Variants in CCDC106 observed in about 807,000 individuals in gnomAD.
CCDC106 encodes coiled-coil domain-containing protein 106.
Under a neutral mutation model 24.7 loss-of-function variants are expected in CCDC106, and 17 were observed. That is an observed-to-expected ratio of 0.69 (90% confidence interval 0.47 to 1.03). CCDC106 has a LOEUF of 1.03. CCDC106 is among the 50% of genes least tolerant of loss of function. The probability of loss-of-function intolerance (pLI) is 0.00; values close to 1 mark genes in which losing one functional copy is unlikely to be tolerated. For synonymous variants in CCDC106, 211 were observed against 161.3 expected (o/e 1.31, Z -2.34); for missense variants, 337 against 388.9 (o/e 0.87, Z 1.12).
At chr19:55,649,683 A>G in intron 3 of CCDC106, 99 bp downstream of exon 3, 2 of 1,184,102 alleles carry the variant, frequency 1.7e-6, no homozygotes, top group Non-Finnish European at 2.4e-6. Flanking sequence ...GCTGGGTGGG[A>G]CCTGCCATGT....
rs369352697 is a variant in CCDC106 at position 55,649,451 on chromosome 19, C to T, written c.180C>T (p.Ser60=). 1.1e-5 allele frequency: 17 copies of T among 1,613,972 alleles called. No homozygotes were observed. In the African/African-American group the frequency reaches 2.1e-4, roughly 20 times the overall value. The change falls in exon 3 of 5, where the codon AGC becomes AGT. Residue 60 remains serine (S), a synonymous_variant. Coordinates refer to ENST00000586790, the MANE Select transcript of CCDC106 (RefSeq NM_001370470.1). The part of the protein sequence containing the change: ...AASSALALMN[S]VKTQLHMALE... ...CCTCCGCCCTGGCTCTGATGAACAG[C>T]GTCAAGACCCAGCTGCACATGGCTC...
rs1983253654 is a variant in CCDC106 at position 55,651,355 on chromosome 19, C to G, written c.386C>G (p.Ala129Gly). 6.2e-7 allele frequency: 1 copy of G among 1,612,924 alleles called. No homozygotes were observed. Among genetic ancestry groups the G allele is most frequent in the Middle Eastern group, 1.7e-4 (1 of 5,992 alleles). Residue 129 changes from alanine to glycine, a missense_variant, in exon 4 of 5, where the codon GCC (alanine) becomes GGC (glycine). By Grantham distance (60) the Ala-to-Gly change is moderately conservative. Around this residue, in one of 2 missense-constraint regions of CCDC106, gnomAD observed 234 missense variants for 236.5 expected, o/e 0.99. Coordinates refer to ENST00000586790, the MANE Select transcript of CCDC106 (RefSeq NM_001370470.1). ...AGCCGTGGTGGGGCTGGGGGCGAGG[C>G]CTCGGACCCTGAGTCAGCAGCCTCC... ...GDSRGGAGGEASDPESAASSL... is the reference protein window; with the variant it reads ...GDSRGGAGGEGSDPESAASSL...
At chr19:55,648,171 G>C, upstream of CCDC106, 1 of 152,180 alleles carries the variant, frequency 6.6e-6, no homozygotes, top group East Asian at 1.9e-4. Flanking sequence ...GCCTGTTCGC[G>C]GGTGGGTGGG....
In CCDC106 at chr19:55,652,071, C is replaced by A. The variant is rs896297614; in HGVS notation, c.527-359C>A. 6.6e-6 allele frequency among the ~76,000 whole-genome samples: 1 copy of A among 152,004 alleles called. No individual in the cohort carries two copies. The highest frequency in any genetic ancestry group is 1.5e-5 in the Non-Finnish European group (1 of 67,996). On this transcript the variant is annotated intron_variant, in intron 4 of 4. Coordinates refer to ENST00000586790, the MANE Select transcript of CCDC106 (RefSeq NM_001370470.1). This position sits in a 1 kb window ranked among gnomAD's most constrained non-coding sequence, Gnocchi z 5.9. ...GAGGTGCGCAGTAGGACCTACCTCA[C>A]GGGGAGGGTGAGACTTGAATAAGTG...
chr19:55,651,145 A>T, intron 3 of CCDC106, 138 bp from the exon 4 acceptor site: 1 of 702,982 alleles, frequency 1.4e-6, no homozygotes, highest in Non-Finnish European at 2.5e-6. Context: ...TCTCTACCGT[A>T]CTCCTTGTCT....
chr19:55,649,099 C>G, intron 1 of CCDC106, 22 bp downstream of exon 1: 1 of 1,613,908 alleles, frequency 6.2e-7, no homozygotes, highest in Middle Eastern at 1.7e-4. Context: ...GGGTCCCCTT[C>G]CCTACCCTGG....
rs759395116 is a variant in CCDC106, at chr19:55,649,032, G to A, written c.-15G>A. On this transcript the variant is annotated 5_prime_UTR_variant, in exon 1 of 5. Transcript: ENST00000586790. ...CTGAGGCCCTCGGCTGCTGGGGTCC[G>A]TAGGAAGCCGCGCCATGAATGACCG... 1.6e-5 allele frequency: 25 copies of A among 1,612,476 alleles called. No homozygotes were observed. Among genetic ancestry groups the A allele is most frequent in the Non-Finnish European group, 1.9e-5 (22 of 1,179,846 alleles).
In CCDC106 at chr19:55,648,567, G is replaced by A; in HGVS notation, c.-480G>A. On this transcript the variant is annotated 5_prime_UTR_variant, in exon 1 of 5. Transcript: ENST00000586790. Reference sequence around the variant, plus strand: ...GCCCCGAAGGTAGAGGAGGCAGCGCGCACGGGCTGGACCTCCTCCTACCCT... The same window carrying A: ...GCCCCGAAGGTAGAGGAGGCAGCGCACACGGGCTGGACCTCCTCCTACCCT... 1 of 163,584 alleles carries A rather than the reference G, an allele frequency of 6.1e-6. No individual in the cohort carries two copies. 10.1% of individuals were successfully genotyped at this position (163,584 alleles called of 1,614,324 possible).
At position 55,653,046 on chromosome 19, in the gene CCDC106, T is replaced by G; in HGVS notation, c.*300T>G. 3.1e-6 allele frequency: 1 copy of G among 323,730 alleles called. No individual in the cohort carries two copies. Among genetic ancestry groups the G allele is most frequent in the East Asian group, 6.2e-5 (1 of 16,182 alleles). 20.1% of individuals were successfully genotyped at this position (323,730 alleles called of 1,614,324 possible). ...GACTGTACAGACCCCGTCTCCGCCC[T>G]GGCCCCGCGGAGGAGCTGCCCACCT... On this transcript the variant is annotated 3_prime_UTR_variant, in exon 5 of 5. Coordinates refer to ENST00000586790, the MANE Select transcript of CCDC106 (RefSeq NM_001370470.1).
chr19:55,652,276 C>T lies in CCDC106; in HGVS notation c.527-154C>T, dbSNP rs577057760. Among the ~76,000 whole-genome samples, 4 of 151,938 alleles carry T rather than the reference C, an allele frequency of 2.6e-5. No homozygotes were observed. The South Asian group carries it at 6.3e-4, about 24-fold the overall frequency. ...TGCGATTCTTCCCCTCCTCTCTGCC[C>T]CTTCCTTGCCTGTTGTTCTCCGTCT... On this transcript the variant is annotated intron_variant, in intron 4 of 4. Transcript: ENST00000586790. This position sits in a 1 kb window ranked among gnomAD's most constrained non-coding sequence, Gnocchi z 5.9.
chr19:55,650,979 C>T (rs1385154382), intron 3 of CCDC106, among the ~76,000 whole-genome samples: 2 of 152,186 alleles, frequency 1.3e-5, no homozygotes, highest in Non-Finnish European at 2.9e-5. Context: ...CCAGAAATTT[C>T]TCCCTCCCCT....
In CCDC106 at chr19:55,649,329, A is replaced by G. The variant is rs765656511; in HGVS notation, c.136+20A>G. Reference sequence around the variant, plus strand: ...TCGAGGGTGAGCTGAGGGGGTGTGGAGGGACTGGAGTCAGCTGGGAAGCCA... The same window carrying G: ...TCGAGGGTGAGCTGAGGGGGTGTGGGGGGACTGGAGTCAGCTGGGAAGCCA... On this transcript the variant is annotated intron_variant, in intron 2 of 4. Transcript: ENST00000586790. 1 of 1,612,232 alleles carries G rather than the reference A, an allele frequency of 6.2e-7. No individual in the cohort carries two copies. The highest frequency in any genetic ancestry group is 8.5e-7 in the Non-Finnish European group (1 of 1,178,454).
rs377380430 is a variant in CCDC106 at position 55,649,043 on chromosome 19, C to G, written c.-4C>G. On this transcript the variant is annotated 5_prime_UTR_variant, in exon 1 of 5. Transcript: ENST00000586790. ...GGCTGCTGGGGTCCGTAGGAAGCCG[C>G]GCCATGAATGACCGGAGCAGTCGGA... 2 of 1,613,032 alleles carry G rather than the reference C, an allele frequency of 1.2e-6. No individual in the cohort carries two copies. The highest frequency in any genetic ancestry group is 2.2e-5 in the East Asian group (1 of 44,886).
At position 55,648,739 on chromosome 19, in the gene CCDC106, C is replaced by T; in HGVS notation, c.-308C>T. ...CCCAGCAATTTAGGGCTTCAGCTTC[C>T]TTTTCCTTCGATACCCAGGAGCCCA... is the stretch of plus-strand genomic sequence containing the variant. On this transcript the variant is annotated 5_prime_UTR_variant, in exon 1 of 5. Coordinates refer to ENST00000586790, the MANE Select transcript of CCDC106 (RefSeq NM_001370470.1). The T allele has an allele frequency of 4.0e-6, 2 of 494,156 alleles. No homozygotes were observed. Among genetic ancestry groups the T allele is most frequent in the East Asian group, 3.3e-5 (1 of 30,188 alleles). The allele number at this position is 494,156 out of a possible 1,614,324, so 30.6% of individuals were successfully genotyped here.
Position 55,651,471 on chromosome 19 carries a change from C to T in CCDC106, c.502C>T (p.Pro168Ser). Reference protein sequence around the residue: ...GGASRRRFGKPKARERQRVKD... With the variant: ...GGASRRRFGKSKARERQRVKD... ...TGCTAGTCGGAGGCGCTTTGGGAAG[C>T]CCAAGGCCCGGGAGAGGCAGCGAGG... is the stretch of plus-strand genomic sequence containing the variant. The change falls in exon 4 of 5, where the codon CCC becomes TCC. Residue 168 changes from proline (P) to serine (S), a missense_variant. By Grantham distance (74) the Pro-to-Ser change is moderately conservative. Coordinates refer to ENST00000586790, the MANE Select transcript of CCDC106 (RefSeq NM_001370470.1). The T allele has an allele frequency of 6.3e-6, 10 of 1,589,448 alleles. No homozygotes were observed. The highest frequency in any genetic ancestry group is 7.7e-6 in the Non-Finnish European group (9 of 1,169,134).
Position 55,648,774 on chromosome 19 carries a change from C to T in CCDC106, c.-273C>T, listed in dbSNP as rs899303647. ...GATACCCAGGAGCCCACGTCCCCAG[C>T]TCACTTCTCCCCCAGGACCTAGGCG... On this transcript the variant is annotated 5_prime_UTR_variant, in exon 1 of 5. Transcript: ENST00000586790. 1.1e-5 allele frequency: 6 copies of T among 555,944 alleles called. No homozygotes were observed. In the Admixed American group the frequency reaches 1.3e-4, roughly 12 times the overall value. 34.4% of individuals were successfully genotyped at this position (555,944 alleles called of 1,614,324 possible). A position where few individuals can be genotyped will look rare whatever the true frequency, so the allele number is the denominator to read the frequency against.
Position 55,653,053 on chromosome 19 carries a change from G to A in CCDC106, c.*307G>A, listed in dbSNP as rs1031906797. 7.3e-5 allele frequency: 24 copies of A among 327,488 alleles called. No individual in the cohort carries two copies. In the East Asian group the frequency reaches 9.0e-4, roughly 12 times the overall value. 20.3% of individuals were successfully genotyped at this position (327,488 alleles called of 1,614,324 possible). On this transcript the variant is annotated 3_prime_UTR_variant, in exon 5 of 5. Transcript: ENST00000586790. ...CAGACCCCGTCTCCGCCCTGGCCCC[G>A]CGGAGGAGCTGCCCACCTGATTCCC...
chr19:55,647,784 G>A (rs1160823971), upstream of CCDC106, among the ~76,000 whole-genome samples: 1 of 151,986 alleles, frequency 6.6e-6, no homozygotes, highest in East Asian at 1.9e-4. Context: ...GCTCTGAGGG[G>A]TCCGCGCTGG....
At chr19:55,649,338 A>T (rs1983082704) in intron 2 of CCDC106, 29 bp downstream of exon 2, 1 of 1,611,900 alleles carries the variant, frequency 6.2e-7, no homozygotes, top group Non-Finnish European at 8.5e-7. Context: ...GAGGGACTGG[A>T]GTCAGCTGGG....
Sources: gnomAD v4.1 joint callset for allele counts (sites outside exome capture counted in the v4.1 genomes callset) on GRCh38, gnomAD v4.1.1 for gene constraint, gnomAD v4.1.1 regional missense constraint, Gnocchi (gnomAD v3.1) non-coding constraint, MANE v1.5 for transcripts, NCBI Gene and HGNC (gene_info 2026-07-23, HGNC 2026-07-21) for gene names.